ZNF503: variants seen among roughly 807,000 people sequenced by gnomAD.
The protein encoded by ZNF503 is NocA-like zinc finger 2.
In ZNF503, 15 loss-of-function variants were observed where a neutral mutation model predicts 34.4. The ratio of observed to expected loss-of-function variants is 0.44; its 90% CI spans 0.29 to 0.67. ZNF503 has a LOEUF of 0.67. Ranked by LOEUF, ZNF503 falls within the 30% of genes least tolerant of loss-of-function variation. The pLI is 0.13. For synonymous variants in ZNF503, 580 were observed against 456.8 expected, an observed-to-expected ratio of 1.27 and a Z score of -3.44; for missense variants, 1,007 against 926.8, an observed-to-expected ratio of 1.09 and a Z score of -1.12.
the ZNF503 span, chr10:75,358,977 G>A: frequency 4.6e-5 from 7 of 152,156 alleles, no homozygotes; most frequent in Admixed American, 2.0e-4. Flanking sequence ...TGGGTGCAGC[G>A]GTCCTTCTGC....
At chr10:75,386,490 C>T in the ZNF503 span, among the ~76,000 whole-genome samples, 1 of 152,226 alleles carries the variant, frequency 6.6e-6, no homozygotes, top group Non-Finnish European at 1.5e-5. Flanking sequence ...CCAGCTCAGC[C>T]ATTCACCAGG....
the ZNF503 span, among the ~76,000 whole-genome samples, chr10:75,360,222 G>A: frequency 6.9e-6 from 1 of 145,070 alleles, no homozygotes; most frequent in Non-Finnish European, 1.5e-5. Flanking sequence ...CTGGATTCAC[G>A]CCACTCTCCT....
chr10:75,329,716 A>G, the ZNF503 span, among the ~76,000 whole-genome samples: 5 of 152,206 alleles, frequency 3.3e-5, no homozygotes, highest in East Asian at 3.9e-4. Context: ...GCCTCATGCA[A>G]TCCTCCTGCC....
the ZNF503 span, among the ~76,000 whole-genome samples, chr10:75,384,215 C>A: frequency 6.6e-6 from 1 of 151,982 alleles, no homozygotes. Flanking sequence ...TCCAGCCCCC[C>A]TCTCTCCCTC....
At chr10:75,348,638 A>G in the ZNF503 span, among the ~76,000 whole-genome samples, 4 of 143,836 alleles carry the variant, frequency 2.8e-5, no homozygotes, top group South Asian at 2.2e-4. Flanking sequence ...CAGCCTCCCC[A>G]GCAGCTGGGA....
chr10:75,309,760 T>C, the ZNF503 span, among the ~76,000 whole-genome samples: 1,485 of 152,234 alleles, frequency 9.8e-3, 33 homozygotes, highest in African/African-American at 0.034. Context: ...GAGATGACTA[T>C]ATTTTTTATT....
chr10:75,365,190 C>T, the ZNF503 span, among the ~76,000 whole-genome samples: 1 of 152,208 alleles, frequency 6.6e-6, no homozygotes, highest in African/African-American at 2.4e-5. Context: ...GCTCTGTCGT[C>T]CAGGCTGGAG....
the ZNF503 span, among the ~76,000 whole-genome samples, chr10:75,318,154 T>C: frequency 6.6e-6 from 1 of 152,204 alleles, no homozygotes; most frequent in Non-Finnish European, 1.5e-5. Flanking sequence ...TTTCACAATG[T>C]GTACATATAT....
At chr10:75,360,114 C>CTTTTT in the ZNF503 span, among the ~76,000 whole-genome samples, 10 of 108,456 alleles carry the variant, frequency 9.2e-5, no homozygotes, top group South Asian at 1.3e-3. Flanking sequence ...CCAAAGGTTT[C>CTTTTT]TTTTTTTTTT....
the ZNF503 span, among the ~76,000 whole-genome samples, chr10:75,364,575 C>T: frequency 6.6e-6 from 1 of 152,128 alleles, no homozygotes; most frequent in African/African-American, 2.4e-5. Flanking sequence ...AAACCAGAGA[C>T]AGGCATCCCC....
chr10:75,355,336 A>G, the ZNF503 span, among the ~76,000 whole-genome samples: 1 of 152,146 alleles, frequency 6.6e-6, no homozygotes, highest in African/African-American at 2.4e-5. Flanking sequence ...TGCAGATTGG[A>G]ATGGGTAATC....
At chr10:75,391,833 T>A in the ZNF503 span, among the ~76,000 whole-genome samples, 1 of 152,230 alleles carries the variant, frequency 6.6e-6, no homozygotes, top group Admixed American at 6.5e-5. Context: ...GCACCTACTA[T>A]GTTCCAGGTA....
the ZNF503 span, among the ~76,000 whole-genome samples, chr10:75,362,387 G>A: frequency 6.6e-6 from 1 of 152,086 alleles, no homozygotes; most frequent in African/African-American, 2.4e-5. Context: ...TTGTCCAAAA[G>A]GTTTGTGTGT....
chr10:75,357,277 G>A, the ZNF503 span, among the ~76,000 whole-genome samples: 7 of 152,046 alleles, frequency 4.6e-5, no homozygotes, highest in African/African-American at 1.2e-4. Flanking sequence ...CAACACTTTG[G>A]GGGGCAGAGC....
Position 75,401,357 on chromosome 10 carries a change from G to A in ZNF503, c.63C>T (p.Gly21=), listed in dbSNP as rs1269669037. ...GGTCTGCACCGCCGCCTCCGCCTCC[G>A]CCGCCGCCGCCGCCGCTGTGCTTAC... The part of the protein sequence containing the change: ...RSSKHSGGGG[G]GGGGGGADPA... The change falls in exon 1 of 2, where the codon GGC becomes GGT. Residue 21 remains glycine (G), a synonymous_variant. Transcript: ENST00000372524. The A allele has an allele frequency of 2.7e-6, 4 of 1,489,690 alleles. No homozygotes were observed. Among genetic ancestry groups the A allele is most frequent in the South Asian group, 2.5e-5 (2 of 80,910 alleles). The allele number at this position is 1,489,690 out of a possible 1,614,324, so 92.3% of individuals were successfully genotyped here.
At chr10:75,344,259 G>A in the ZNF503 span, among the ~76,000 whole-genome samples, 6 of 152,218 alleles carry the variant, frequency 3.9e-5, no homozygotes, top group Admixed American at 1.3e-4. Flanking sequence ...GCCGTGTGGC[G>A]TGGCAGTTGA....
the ZNF503 span, among the ~76,000 whole-genome samples, chr10:75,293,647 G>A: frequency 6.6e-6 from 1 of 151,828 alleles, no homozygotes. Flanking sequence ...GTGTGTGTGC[G>A]TGTGTGTATG....
chr10:75,311,863 A>G, the ZNF503 span, among the ~76,000 whole-genome samples: 1 of 151,996 alleles, frequency 6.6e-6, no homozygotes, highest in African/African-American at 2.4e-5. Context: ...TCAGCCTCCC[A>G]AGTAGCTGGG....
chr10:75,393,199 T>C (rs568232982), downstream of ZNF503, among the ~76,000 whole-genome samples: 5 of 152,310 alleles, frequency 3.3e-5, no homozygotes, highest in South Asian at 6.2e-4. Context: ...TTCGGGAGTT[T>C]TGGGGACTCC....
Sources: allele counts gnomAD v4.1 joint callset (sites outside exome capture counted in the v4.1 genomes callset), GRCh38; gene constraint gnomAD v4.1.1; transcripts MANE v1.5; gene names NCBI Gene and HGNC (gene_info 2026-07-23, HGNC 2026-07-21).